The following TBX20 variants were observed in gnomAD, a reference collection of about 807,000 sequenced individuals.
TBX20 encodes T-box transcription factor TBX20.
A neutral mutation model predicts 42.9 loss-of-function variants in TBX20; 8 were observed. The ratio of observed to expected loss-of-function variants is 0.19; its 90% CI spans 0.11 to 0.34. The LOEUF (loss-of-function observed/expected upper bound fraction) is 0.34. Ranked by LOEUF, TBX20 falls within the 10% of genes least tolerant of loss-of-function variation. The pLI is 1.00. For missense variants in TBX20, 411 were observed against 566.0 expected, an observed-to-expected ratio of 0.73 and a Z score of 2.78; for synonymous variants, 198 against 222.8, an observed-to-expected ratio of 0.89 and a Z score of 0.99.
At chr7:35,228,493 T>C (rs1277257054) in intron 6 of TBX20, among the ~76,000 whole-genome samples, 2 of 152,134 alleles carry the variant, frequency 1.3e-5, no homozygotes, top group African/African-American at 4.8e-5. Context: ...TTCTTACTTG[T>C]CCGTATTTTC....
chr7:35,241,537 T>G (rs1354342680), intron 4 of TBX20, among the ~76,000 whole-genome samples: 2 of 152,208 alleles, frequency 1.3e-5, no homozygotes, highest in African/African-American at 4.8e-5. Context: ...CTTTAATCCT[T>G]AGCCAGGTGA....
At chr7:35,237,333 G>C (rs1292550653) in intron 5 of TBX20, among the ~76,000 whole-genome samples, 2 of 151,336 alleles carry the variant, frequency 1.3e-5, no homozygotes, top group Non-Finnish European at 2.9e-5. Context: ...TAGTTCAGAG[G>C]GGGTTTAGGG....
Position 35,253,736 on chromosome 7 carries a change from G to A in TBX20, c.-116C>T, listed in dbSNP as rs1243467599. On this transcript the variant is annotated 5_prime_UTR_variant, in exon 1 of 8. Coordinates refer to ENST00000408931, the MANE Select transcript of TBX20 (RefSeq NM_001077653.2). Reference sequence around the variant, plus strand: ...AAAGTTTCCGAGAGCAGTCACAGCGGGGCCAGGGACTCCAGAAGTGTCAGC... The same window carrying A: ...AAAGTTTCCGAGAGCAGTCACAGCGAGGCCAGGGACTCCAGAAGTGTCAGC... 4 of 1,387,682 alleles carry A rather than the reference G, an allele frequency of 2.9e-6. No homozygotes were observed. Among genetic ancestry groups the A allele is most frequent in the East Asian group, 2.3e-5 (1 of 43,112 alleles). The allele number at this position is 1,387,682 out of a possible 1,614,324, so 86.0% of individuals were successfully genotyped here. A position where few individuals can be genotyped will look rare whatever the true frequency, so the allele number is the denominator to read the frequency against.
At position 35,249,997 on chromosome 7, in the gene TBX20, T is replaced by C. The variant is rs752635061; in HGVS notation, c.334A>G (p.Lys112Glu). ...ATCTCGGTGCCCAGCTCATGGAATTTGTCCCAAAGCTCCTTGGTCTCCAGG... is the reference window on the plus strand; with the variant it reads ...ATCTCGGTGCCCAGCTCATGGAATTCGTCCCAAAGCTCCTTGGTCTCCAGG... The part of the protein sequence containing the change: ...CSLETKELWD[K>E]FHELGTEMII... The change falls in exon 2 of 8, where the codon AAA becomes GAA. Residue 112 changes from lysine (K) to glutamate (E), a missense_variant. Physicochemically the swap from Lys to Glu is moderately conservative, Grantham distance 56 (BLOSUM62 1). This residue lies in a region of TBX20 where 12 missense variants were observed against 41.4 expected (regional missense o/e 0.29). Coordinates refer to ENST00000408931, the MANE Select transcript of TBX20 (RefSeq NM_001077653.2). The surrounding 1 kb of genome is among the most constrained non-coding windows in gnomAD (Gnocchi z 4.3). 1 of 1,612,818 alleles carries C rather than the reference T, an allele frequency of 6.2e-7. No homozygotes were observed. The highest frequency in any genetic ancestry group is 2.2e-5 in the East Asian group (1 of 44,840).
At position 35,231,575 on chromosome 7, in the gene TBX20, C is replaced by T. The variant is rs776684707; in HGVS notation, c.819G>A (p.Thr273=). 39 of 1,610,330 alleles carry T rather than the reference C, an allele frequency of 2.4e-5. No homozygotes were observed. Among genetic ancestry groups the T allele is most frequent in the Non-Finnish European group, 3.2e-5 (38 of 1,176,860 alleles). Residue 273 remains threonine, a synonymous_variant, in exon 6 of 8, where the codon ACG becomes ACA. Transcript: ENST00000408931. ...AAGGATTGCTATCTATTTTCAGCTT[C>T]GTTATCTGGAGAAAGAATGGGTACA... ...AVTAYQNQLI[T]KLKIDSNPFA... is the part of the protein sequence containing the mutation.
intron 4 of TBX20, among the ~76,000 whole-genome samples, chr7:35,243,260 C>G (rs770247108): frequency 2.0e-5 from 3 of 152,202 alleles, no homozygotes; most frequent in African/African-American, 4.8e-5. Context: ...TGCTGGATTG[C>G]AGGTGTGAGC....
At position 35,204,547 on chromosome 7, in the gene TBX20, T is replaced by G; in HGVS notation, c.926A>C (p.Tyr309Ser). Residue 309 changes from tyrosine (Y) to serine (S), a missense_variant, in exon 7 of 8, where the codon TAT (tyrosine) becomes TCT (serine). Tyr to Ser is a moderately radical substitution (Grantham distance 144, BLOSUM62 -2). This residue lies in a region of TBX20 where 162 missense variants were observed against 205.4 expected (regional missense o/e 0.79). Transcript: ENST00000408931. The stretch of plus-strand genomic sequence containing the variant: ...GTAGGTACGGATGGGTGAGCGTGCA[T>G]AGGAATGCTTTTGAATCAGGCTCTC... ...SVESLIQKHSYARSPIRTYGG... is the reference protein window; with the variant it reads ...SVESLIQKHSSARSPIRTYGG... 6.2e-7 allele frequency: 1 copy of G among 1,614,016 alleles called. No individual in the cohort carries two copies. Among genetic ancestry groups the G allele is most frequent in the Non-Finnish European group, 8.5e-7 (1 of 1,179,948 alleles).
At chr7:35,202,902 T>C (rs1789329355) in intron 7 of TBX20, 132 bp from the exon 8 acceptor site, 6 of 1,501,286 alleles carry the variant, frequency 4.0e-6, no homozygotes, top group East Asian at 2.5e-5. Context: ...CAAACACATA[T>C]GAGATCTGTC....
intron 6 of TBX20, among the ~76,000 whole-genome samples, chr7:35,214,931 AGGT>A (rs1296514253): frequency 2.6e-5 from 4 of 152,176 alleles, no homozygotes; most frequent in African/African-American, 9.6e-5. Context: ...TGTTTTTCTA[AGGT>A]GTATTCCTCT....
intron 4 of TBX20, 51 bp downstream of exon 4, chr7:35,244,898 C>T (rs1790150244): frequency 7.5e-7 from 1 of 1,333,788 alleles, no homozygotes. Flanking sequence ...TTTTGTGCGA[C>T]CTGTCCATTC....
intron 6 of TBX20, among the ~76,000 whole-genome samples, chr7:35,230,162 G>A (rs1393671992): frequency 6.6e-6 from 1 of 152,108 alleles, no homozygotes; most frequent in Non-Finnish European, 1.5e-5. Flanking sequence ...ACATAAACCC[G>A]GTCTGCAGCA....
At chr7:35,243,976 A>T (rs1436074224) in intron 4 of TBX20, among the ~76,000 whole-genome samples, 1 of 152,228 alleles carries the variant, frequency 6.6e-6, no homozygotes, top group African/African-American at 2.4e-5. Context: ...TTATCTCCTT[A>T]TGACCATCTT....
chr7:35,202,538 T>C lies in TBX20; in HGVS notation c.1236A>G (p.Thr412=). The change falls in exon 8 of 8, where the codon ACA becomes ACG. Residue 412 remains threonine (T), a synonymous_variant. Coordinates refer to ENST00000408931, the MANE Select transcript of TBX20 (RefSeq NM_001077653.2). ...ATCGCGGCATGTGGAATGAAGGGAA[T>C]GTGGGGCCACTCCCTTGCATGGAGC... ...IASSMQGSGP[T]FPSFHMPRYH... is the part of the protein sequence containing the mutation. 6.2e-7 allele frequency: 1 copy of C among 1,613,830 alleles called. No homozygotes were observed. The highest frequency in any genetic ancestry group is 8.5e-7 in the Non-Finnish European group (1 of 1,179,926).
At chr7:35,221,432 T>A (rs1439347369) in intron 6 of TBX20, among the ~76,000 whole-genome samples, 1 of 152,072 alleles carries the variant, frequency 6.6e-6, no homozygotes, top group South Asian at 2.1e-4. Context: ...TGAACAGAGA[T>A]ACAATTTCTG....
chr7:35,226,323 AC>A (rs1288609847), intron 6 of TBX20, among the ~76,000 whole-genome samples: 7 of 151,470 alleles, frequency 4.6e-5, no homozygotes, highest in Non-Finnish European at 1.0e-4. Flanking sequence ...AATGATTCCA[AC>A]ATATATGAAC....
Position 35,240,897 on chromosome 7 carries a change from A to G in TBX20, c.795T>C (p.Thr265=), listed in dbSNP as rs1228662224. ...IFPETVFTAV[T]AYQNQLITKL... ...CACTCACCAGTTGATTCTGGTAGGC[A>G]GTGACTGCCGTAAAAACTGTTTCTG... Residue 265 remains threonine, a synonymous_variant, in exon 5 of 8, where the codon ACT becomes ACC. Coordinates refer to ENST00000408931, the MANE Select transcript of TBX20 (RefSeq NM_001077653.2). 3 of 1,613,830 alleles carry G rather than the reference A, an allele frequency of 1.9e-6. No homozygotes were observed. The highest frequency in any genetic ancestry group is 2.5e-6 in the Non-Finnish European group (3 of 1,179,844).
Position 35,202,453 on chromosome 7 carries a change from C to G in TBX20, c.1321G>C (p.Ala441Pro), listed in dbSNP as rs750770210. Residue 441 changes from alanine to proline, a missense_variant, in exon 8 of 8, where the codon GCT (alanine) becomes CCT (proline). Transcript: ENST00000408931. Reference sequence around the variant, plus strand: ...AGTCATACAAATGGCGTCATCACAGCAGAGGAATGGCGTAGTCCTTGAATG... The same window carrying G: ...AGTCATACAAATGGCGTCATCACAGGAGAGGAATGGCGTAGTCCTTGAATG... ...AAIQGLRHSS[A>P]VMTPFV is the part of the protein sequence containing the mutation. The G allele has an allele frequency of 6.3e-7, 1 of 1,593,118 alleles. No homozygotes were observed. The highest frequency in any genetic ancestry group is 8.6e-7 in the Non-Finnish European group (1 of 1,168,612).
At chr7:35,204,618 T>C (rs754846347) in intron 6 of TBX20, 36 bp from the exon 7 acceptor site, 2 of 1,510,844 alleles carry the variant, frequency 1.3e-6, no homozygotes, top group Non-Finnish European at 1.8e-6. Flanking sequence ...TTAAGTAAAA[T>C]GTAAAGGACT....
rs61706700 is a variant in TBX20 at position 35,245,319 on chromosome 7, GGTGT to G, written c.546-266_546-263del. On this transcript the variant is annotated intron_variant, in intron 3 of 7. Transcript: ENST00000408931. ...AGCTGAGCAAGGCATTGTTTAAAGGGGTGTGTGTGTGTGTGTGTGTGTGTGTGTG... is the reference window on the plus strand; with the variant it reads ...AGCTGAGCAAGGCATTGTTTAAAGGGGTGTGTGTGTGTGTGTGTGTGTGTG... Among the ~76,000 whole-genome samples, 7 of 146,394 alleles carry G rather than the reference GGTGT, an allele frequency of 4.8e-5. No individual in the cohort carries two copies. In the South Asian group the frequency reaches 6.7e-4, roughly 14 times the overall value.
Sources: allele counts gnomAD v4.1 joint callset (sites outside exome capture counted in the v4.1 genomes callset), GRCh38; gene constraint gnomAD v4.1.1; regional missense constraint gnomAD v4.1.1; non-coding constraint Gnocchi (gnomAD v3.1); transcripts MANE v1.5; gene names NCBI Gene and HGNC (gene_info 2026-07-23, HGNC 2026-07-21).